Variants in PCDHGB7 observed in about 807,000 individuals in gnomAD.
The protein encoded by PCDHGB7 is protocadherin gamma-B7.
In PCDHGB7, 37 loss-of-function variants were observed where a neutral mutation model predicts 61.4. The observed-to-expected ratio is 0.60, with a 90% confidence interval of 0.46 to 0.79. The LOEUF is 0.79. PCDHGB7 is among the 30% of genes least tolerant of loss of function. PCDHGB7 has a pLI of 0.00. For synonymous variants in PCDHGB7, 464 were observed against 503.5 expected (o/e 0.92, Z 1.05); for missense variants, 1,166 against 1,202.5 (o/e 0.97, Z 0.45).
chr5:141,428,201 CT>C (rs1332694675), intron 1 of PCDHGB7: 1 of 1,349,696 alleles, frequency 7.4e-7, no homozygotes, highest in South Asian at 1.2e-5. Context: ...CTCTGCGCCG[CT>C]ACGCTTCACC....
In PCDHGB7 at chr5:141,428,081, C is replaced by A. The variant is rs768842388; in HGVS notation, c.2415+7807C>A. 14 of 1,609,100 alleles carry A rather than the reference C, an allele frequency of 8.7e-6. No individual in the cohort carries two copies. In the African/African-American group the frequency reaches 1.1e-4, roughly 12 times the overall value. ...CGGTGGACGCAGATTCGGGACACAA[C>A]GCTTGGCTGTCCTACCACGTGCTGC... is the stretch of plus-strand genomic sequence containing the variant. On this transcript the variant is annotated intron_variant, in intron 1 of 3. Transcript: ENST00000398594.
intron 1 of PCDHGB7, chr5:141,423,300 G>A (rs1293301567): frequency 2.5e-6 from 4 of 1,614,028 alleles, no homozygotes; most frequent in African/African-American, 1.3e-5. Context: ...CAGACCTCTC[G>A]CTGTACTTGG....
chr5:141,464,973 TTC>T (rs2154568681), intron 1 of PCDHGB7, among the ~76,000 whole-genome samples: 1 of 152,092 alleles, frequency 6.6e-6, no homozygotes, highest in East Asian at 1.9e-4. Flanking sequence ...AACTACTGGC[TTC>T]AAGTGATCCT....
chr5:141,421,409 C>T, intron 1 of PCDHGB7: 1 of 1,614,026 alleles, frequency 6.2e-7, no homozygotes, highest in Non-Finnish European at 8.5e-7. Context: ...CGGGAGCTGG[C>T]GAAGCGCGGA....
intron 2 of PCDHGB7, among the ~76,000 whole-genome samples, chr5:141,503,202 C>G (rs1562210201): frequency 6.6e-6 from 1 of 152,090 alleles, no homozygotes; most frequent in East Asian, 1.9e-4. Context: ...ATCAGCCTCT[C>G]AGTGCCCACC....
chr5:141,477,705 G>A lies in PCDHGB7; in HGVS notation c.2416-17102G>A, dbSNP rs1285254654. On this transcript the variant is annotated intron_variant, in intron 1 of 3. Coordinates refer to ENST00000398594, the MANE Select transcript of PCDHGB7 (RefSeq NM_018927.4). The surrounding 1 kb of genome is among the most constrained non-coding windows in gnomAD (Gnocchi z 4.9). ...TTAGTGCCCCTAGACTATGAGGATCGGCGGGAATTTGAATTAACAGCTCAT... is the reference window on the plus strand; with the variant it reads ...TTAGTGCCCCTAGACTATGAGGATCAGCGGGAATTTGAATTAACAGCTCAT... The A allele has an allele frequency of 6.2e-7, 1 of 1,614,008 alleles. No homozygotes were observed. Among genetic ancestry groups the A allele is most frequent in the Non-Finnish European group, 8.5e-7 (1 of 1,180,048 alleles).
chr5:141,479,435 G>C (rs2099495981), intron 1 of PCDHGB7: 1 of 152,218 alleles, frequency 6.6e-6, no homozygotes, highest in Non-Finnish European at 1.5e-5. Context: ...TCAATCCACT[G>C]TCTGCACTAA....
intron 3 of PCDHGB7, among the ~76,000 whole-genome samples, chr5:141,509,633 GA>G (rs2099877629): frequency 6.6e-6 from 1 of 152,204 alleles, no homozygotes; most frequent in Non-Finnish European, 1.5e-5. Flanking sequence ...GGGTGATGCT[GA>G]GCCAGGGCCA....
chr5:141,421,799 A>G (rs778353620), intron 1 of PCDHGB7: 1 of 1,613,860 alleles, frequency 6.2e-7, no homozygotes, highest in South Asian at 1.1e-5. Flanking sequence ...GATGGGGCCA[A>G]GAATCCAGAG....
At chr5:141,460,488 T>C (rs1226287742) in intron 1 of PCDHGB7, among the ~76,000 whole-genome samples, 1 of 152,186 alleles carries the variant, frequency 6.6e-6, no homozygotes, top group Admixed American at 6.6e-5. Flanking sequence ...ATTGTCTCTT[T>C]GGAAAAATAT....
Position 141,447,955 on chromosome 5 carries a change from G to A in PCDHGB7, c.2415+27681G>A, listed in dbSNP as rs536740280. On this transcript the variant is annotated intron_variant, in intron 1 of 3. Coordinates refer to ENST00000398594, the MANE Select transcript of PCDHGB7 (RefSeq NM_018927.4). ...ACAAAAATTAGCTGGGCATGGTGGC[G>A]GACACCTATAATCCCAGCTACTCGG... Among the ~76,000 whole-genome samples the A allele has an allele frequency of 1.6e-4, 24 of 151,898 alleles. 1 individual carries two copies. The highest frequency in any genetic ancestry group is 8.3e-4 in the South Asian group (4 of 4,816).
chr5:141,460,142 G>A (rs932507660), intron 1 of PCDHGB7, among the ~76,000 whole-genome samples: 5 of 151,950 alleles, frequency 3.3e-5, no homozygotes, highest in African/African-American at 1.2e-4. Flanking sequence ...TATTCTTGAT[G>A]TGAGCTCTTT....
chr5:141,433,098 T>G, intron 1 of PCDHGB7: 1 of 1,614,204 alleles, frequency 6.2e-7, no homozygotes, highest in Non-Finnish European at 8.5e-7. Context: ...GACATGCTCG[T>G]CAGCCAGGAG....
In PCDHGB7 at chr5:141,432,827, A is replaced by G. The variant is rs758445645; in HGVS notation, c.2415+12553A>G. ...AGCTAACTCTGAAACCTCAGACCTC[A>G]CTCTGTACCTGGTGGTAGCGGTGGC... On this transcript the variant is annotated intron_variant, in intron 1 of 3. Transcript: ENST00000398594. The surrounding 1 kb of genome is among the most constrained non-coding windows in gnomAD (Gnocchi z 6.0). 9 of 1,613,142 alleles carry G rather than the reference A, an allele frequency of 5.6e-6. No individual in the cohort carries two copies. Among genetic ancestry groups the G allele is most frequent in the Admixed American group, 1.7e-5 (1 of 59,958 alleles).
rs575695102 is a variant in PCDHGB7 at position 141,421,063 on chromosome 5, G to C, written c.2415+789G>C. 16 of 581,866 alleles carry C rather than the reference G, an allele frequency of 2.7e-5. No individual in the cohort carries two copies. The African/African-American group carries it at 2.9e-4, about 10-fold the overall frequency. 36.0% of individuals were successfully genotyped at this position (581,866 alleles called of 1,614,324 possible). A position where few individuals can be genotyped will look rare whatever the true frequency, so the allele number is the denominator to read the frequency against. ...CTCCCCCGCCTCTACCACACAAAGC[G>C]GAATGAGATGGATACTCACAGATCC... On this transcript the variant is annotated intron_variant, in intron 1 of 3. Coordinates refer to ENST00000398594, the MANE Select transcript of PCDHGB7 (RefSeq NM_018927.4).
chr5:141,451,606 G>A (rs2098720118), intron 1 of PCDHGB7, among the ~76,000 whole-genome samples: 1 of 152,152 alleles, frequency 6.6e-6, no homozygotes, highest in Admixed American at 6.5e-5. Flanking sequence ...ACAAGGCTAG[G>A]CATGGTGGCT....
chr5:141,433,358 C>T (rs974347696), intron 1 of PCDHGB7: 20 of 503,934 alleles, frequency 4.0e-5, no homozygotes, highest in African/African-American at 3.1e-4. Flanking sequence ...CTACTGTCTG[C>T]CTATCTATCT....
At chr5:141,479,823 G>A (rs1208437635) in intron 1 of PCDHGB7, among the ~76,000 whole-genome samples, 1 of 152,172 alleles carries the variant, frequency 6.6e-6, no homozygotes, top group Admixed American at 6.5e-5. Context: ...TACTATCCAA[G>A]GCATGGTATC....
chr5:141,489,915 C>T lies in PCDHGB7; in HGVS notation c.2416-4892C>T, dbSNP rs971312502. On this transcript the variant is annotated intron_variant, in intron 1 of 3. Coordinates refer to ENST00000398594, the MANE Select transcript of PCDHGB7 (RefSeq NM_018927.4). This position sits in a 1 kb window ranked among gnomAD's most constrained non-coding sequence, Gnocchi z 4.5. ...GGGGGACCCCAGCCCGCTCAGGGAC[C>T]ACCCTTATCTCTGTCATCGTGCTGG... The T allele has an allele frequency of 6.2e-7, 1 of 1,614,242 alleles. No individual in the cohort carries two copies. Among genetic ancestry groups the T allele is most frequent in the Non-Finnish European group, 8.5e-7 (1 of 1,180,044 alleles).
Sources: gnomAD v4.1 joint callset for allele counts (sites outside exome capture counted in the v4.1 genomes callset) on GRCh38, gnomAD v4.1.1 for gene constraint, Gnocchi (gnomAD v3.1) non-coding constraint, MANE v1.5 for transcripts, NCBI Gene and HGNC (gene_info 2026-07-23, HGNC 2026-07-21) for gene names.